Variants in GABRA3 observed in about 807,000 individuals in gnomAD.
GABRA3 encodes the protein gamma-aminobutyric acid receptor subunit alpha-3.
Under a neutral mutation model 30.1 loss-of-function variants are expected in GABRA3, and 10 were observed. That is an observed-to-expected ratio of 0.33 (90% CI 0.20 to 0.56). The LOEUF (loss-of-function observed/expected upper bound fraction) is 0.56, where lower values mean the gene tolerates loss of function less well. GABRA3 is among the 20% of genes least tolerant of loss of function. The pLI is 0.89. For missense variants in GABRA3, 233 were observed against 392.0 expected (o/e 0.59, Z 3.42); for synonymous variants, 151 against 146.8 (o/e 1.03, Z -0.21).
At chrX:152,360,172 G>GTA (rs1318710491) in intron 2 of GABRA3, among the ~76,000 whole-genome samples, 8 of 83,750 alleles carry the variant, frequency 9.6e-5, no homozygotes, top group Non-Finnish European at 1.4e-4. Context: ...AGTCCTTTGG[G>GTA]TATATACCCA....
intron 3 of GABRA3, among the ~76,000 whole-genome samples, chrX:152,332,406 C>G (rs1375858132): frequency 8.9e-6 from 1 of 111,973 alleles, no homozygotes; most frequent in Non-Finnish European, 1.9e-5. Flanking sequence ...TATGCCCTTT[C>G]TGTCCACCTT....
intron 9 of GABRA3, among the ~76,000 whole-genome samples, chrX:152,182,738 C>CTGTATATATAT (rs1937195433): frequency 1.6e-4 from 1 of 6,373 alleles, no homozygotes; most frequent in African/African-American, 4.5e-4. Flanking sequence ...TGTATATATA[C>CTGTATATATAT]ACTATATATA....
At chrX:152,385,028 T>G (rs1002996718) in intron 1 of GABRA3, among the ~76,000 whole-genome samples, 1 of 111,268 alleles carries the variant, frequency 9.0e-6, no homozygotes, top group East Asian at 2.8e-4. Flanking sequence ...ATAATGAAAA[T>G]TAGAAATTTA....
At chrX:152,228,449 A>G (rs1938006671) in intron 5 of GABRA3, among the ~76,000 whole-genome samples, 1 of 111,449 alleles carries the variant, frequency 9.0e-6, no homozygotes, top group Non-Finnish European at 1.9e-5. Flanking sequence ...TTGATAGTCT[A>G]TTTGTTGTGA....
intron 4 of GABRA3, among the ~76,000 whole-genome samples, chrX:152,271,652 A>G (rs1938940459): frequency 8.9e-6 from 1 of 112,442 alleles, no homozygotes; most frequent in Non-Finnish European, 1.9e-5. Context: ...AATTGCCAAG[A>G]CAATGGGGAA....
intron 1 of GABRA3, among the ~76,000 whole-genome samples, chrX:152,365,804 T>C (rs1928644441): frequency 9.0e-6 from 1 of 111,626 alleles, no homozygotes; most frequent in African/African-American, 3.3e-5. Flanking sequence ...TGGATCTATA[T>C]TAAGCTGTCT....
intron 6 of GABRA3, among the ~76,000 whole-genome samples, chrX:152,212,752 T>C (rs1937647873): frequency 8.9e-6 from 1 of 111,803 alleles, no homozygotes; most frequent in African/African-American, 3.3e-5. Context: ...AAAGGACATT[T>C]TAAAAAGATT....
At chrX:152,266,888 G>C (rs1410330959) in intron 4 of GABRA3, among the ~76,000 whole-genome samples, 1 of 111,822 alleles carries the variant, frequency 8.9e-6, no homozygotes, top group Non-Finnish European at 1.9e-5. Flanking sequence ...GCGTATAGCA[G>C]ATGCTCTATA....
intron 1 of GABRA3, among the ~76,000 whole-genome samples, chrX:152,416,057 A>G (rs1341589422): frequency 9.2e-6 from 1 of 109,179 alleles, no homozygotes; most frequent in African/African-American, 3.3e-5. Context: ...AAGGGTATTC[A>G]ATTAGGAAAA....
chrX:152,174,197 A>G (rs1272553650), intron 9 of GABRA3, among the ~76,000 whole-genome samples: 4 of 110,774 alleles, frequency 3.6e-5, no homozygotes, highest in African/African-American at 1.3e-4. Context: ...TCATTGTTGG[A>G]CATTTGGGTT....
In GABRA3 at chrX:152,237,716, T is replaced by C. The variant is rs1237575233; in HGVS notation, c.552-12871A>G. On this transcript the variant is annotated intron_variant, in intron 5 of 9. Transcript: ENST00000370314. ...TTGAAGAGGTCCTTCACATCCCTTG[T>C]AAGTTGGATTCCTAGGTATTTTATT... Among the ~76,000 whole-genome samples the C allele has an allele frequency of 1.6e-4, 17 of 105,867 alleles. No homozygotes were observed. In the South Asian group the frequency reaches 2.1e-3, roughly 13 times the overall value. The allele number at this position is 105,867 out of a possible 115,157, so 91.9% of individuals were successfully genotyped here.
intron 1 of GABRA3, among the ~76,000 whole-genome samples, chrX:152,413,470 T>G (rs746349392): frequency 1.8e-5 from 2 of 111,697 alleles, no homozygotes; most frequent in Non-Finnish European, 1.9e-5. Flanking sequence ...ACATCTTAAT[T>G]AAGTAAGATT....
intron 1 of GABRA3, among the ~76,000 whole-genome samples, chrX:152,450,697 G>A (rs1385496127): frequency 9.0e-6 from 1 of 111,356 alleles, no homozygotes; most frequent in Non-Finnish European, 1.9e-5. Flanking sequence ...CGGAGAAAGA[G>A]TTAAAGAAGG....
rs745329147 is a variant in GABRA3 at position 152,320,739 on chromosome X, C to T, written c.262+24842G>A. Among the ~76,000 whole-genome samples the T allele has an allele frequency of 1.8e-5, 2 of 110,255 alleles. 1 individual carries two copies. Among genetic ancestry groups the T allele is most frequent in the Admixed American group, 1.9e-4 (2 of 10,374 alleles). On this transcript the variant is annotated intron_variant, in intron 3 of 9. Coordinates refer to ENST00000370314, the MANE Select transcript of GABRA3 (RefSeq NM_000808.4). The stretch of plus-strand genomic sequence containing the variant: ...CTATGGAAATAAAAAATCTAAAAAA[C>T]AAAAAAAATAAAGATGGATAGGTAG...
intron 4 of GABRA3, among the ~76,000 whole-genome samples, chrX:152,278,589 T>C (rs1939136093): frequency 8.9e-6 from 1 of 111,846 alleles, no homozygotes; most frequent in South Asian, 3.7e-4. Context: ...TGTGTCTTTA[T>C]AGCAGTATGA....
In GABRA3 at chrX:152,170,142, A is replaced by T. The variant is rs748586798; in HGVS notation, c.1144-1579T>A. Among the ~76,000 whole-genome samples, 7 of 112,213 alleles carry T rather than the reference A, an allele frequency of 6.2e-5. No homozygotes were observed. The East Asian group carries it at 1.7e-3, about 27-fold the overall frequency. ...CCTTTTAAGCACACGATTGCCATTG[A>T]ACGTGATCAGACTTCTCAAAGATCT... is the stretch of plus-strand genomic sequence containing the variant. On this transcript the variant is annotated intron_variant, in intron 9 of 9. Transcript: ENST00000370314.
chrX:152,239,761 T>C (rs1329704817), intron 5 of GABRA3, among the ~76,000 whole-genome samples: 1 of 103,811 alleles, frequency 9.6e-6, no homozygotes, highest in African/African-American at 3.8e-5. Context: ...GCCTTCTTTG[T>C]CTCTTTTGAT....
At chrX:152,381,717 C>T (rs1007032544) in intron 1 of GABRA3, among the ~76,000 whole-genome samples, 5 of 108,280 alleles carry the variant, frequency 4.6e-5, no homozygotes, top group African/African-American at 1.4e-4. Context: ...CACCCACCAA[C>T]GGGCCCTGGT....
At chrX:152,296,840 C>G (rs1403842507) in intron 3 of GABRA3, among the ~76,000 whole-genome samples, 1 of 109,951 alleles carries the variant, frequency 9.1e-6, no homozygotes, top group East Asian at 2.9e-4. Context: ...GCCGGGATTA[C>G]AGGCACCCAC....
Sources: allele counts gnomAD v4.1 joint callset (sites outside exome capture counted in the v4.1 genomes callset), GRCh38; gene constraint gnomAD v4.1.1; transcripts MANE v1.5; gene names NCBI Gene and HGNC (gene_info 2026-07-23, HGNC 2026-07-21).